WDHD1: variants seen among roughly 807,000 people sequenced by gnomAD.
WDHD1 encodes WD repeat and HMG-box DNA-binding protein 1.
In WDHD1, 111 loss-of-function variants were observed where a neutral mutation model predicts 135.4. The observed-to-expected ratio is 0.82, with a 90% confidence interval of 0.70 to 0.96. The LOEUF (loss-of-function observed/expected upper bound fraction) is 0.96, where lower values mean the gene tolerates loss of function less well. Ranked by LOEUF, WDHD1 falls within the 40% of genes least tolerant of loss-of-function variation. WDHD1 has a pLI of 0.00. For synonymous variants in WDHD1, 434 were observed against 439.0 expected (o/e 0.99, Z 0.14); for missense variants, 1,351 against 1,336.3 (o/e 1.01, Z -0.17).
chr14:54,950,801 C>T (rs1276237449), intron 24 of WDHD1, among the ~76,000 whole-genome samples: 2 of 152,210 alleles, frequency 1.3e-5, no homozygotes, highest in Non-Finnish European at 2.9e-5. Flanking sequence ...AACTGTCTCT[C>T]AGACCACAGT....
intron 16 of WDHD1, among the ~76,000 whole-genome samples, chr14:54,970,897 G>C (rs1258232718): frequency 6.6e-6 from 1 of 152,110 alleles, no homozygotes; most frequent in Non-Finnish European, 1.5e-5. Flanking sequence ...CAGAAACACA[G>C]ACCAGTGGAA....
intron 11 of WDHD1, among the ~76,000 whole-genome samples, chr14:54,992,902 G>C (rs2041814541): frequency 6.6e-6 from 1 of 151,968 alleles, no homozygotes; most frequent in South Asian, 2.1e-4. Context: ...GACAGAGCAA[G>C]ATGCTATCTC....
intron 23 of WDHD1, among the ~76,000 whole-genome samples, chr14:54,956,242 T>C (rs570392742): frequency 6.6e-6 from 1 of 152,078 alleles, no homozygotes; most frequent in Non-Finnish European, 1.5e-5. Context: ...CGAATATACA[T>C]CAGAACTATC....
chr14:54,944,145 A>G (rs940406457), intron 25 of WDHD1, among the ~76,000 whole-genome samples, 187 bp downstream of exon 25: 3 of 151,856 alleles, frequency 2.0e-5, no homozygotes, highest in Non-Finnish European at 4.4e-5. Context: ...TATTATTATT[A>G]GAGACGATGT....
intron 10 of WDHD1, 134 bp from the exon 11 acceptor site, chr14:54,995,947 T>C: frequency 3.3e-6 from 2 of 612,432 alleles, no homozygotes; most frequent in Non-Finnish European, 5.4e-6. Context: ...TAAGAATAAT[T>C]AGTAAATGTA....
At chr14:55,026,930 G>T in intron 1 of WDHD1, 98 bp downstream of exon 1, 1 of 809,316 alleles carries the variant, frequency 1.2e-6, no homozygotes, top group Non-Finnish European at 2.1e-6. Flanking sequence ...CCACCCGAGT[G>T]ACACCAGCGG....
intron 11 of WDHD1, among the ~76,000 whole-genome samples, chr14:54,992,879 C>T (rs2041814303): frequency 6.6e-6 from 1 of 152,026 alleles, no homozygotes; most frequent in African/African-American, 2.4e-5. Flanking sequence ...TACCACTGCA[C>T]TCCAGCCTAG....
intron 16 of WDHD1, among the ~76,000 whole-genome samples, chr14:54,970,706 A>C (rs868861711): frequency 1.6e-4 from 24 of 152,100 alleles, no homozygotes; most frequent in African/African-American, 5.8e-4. Context: ...TTCCTATCAA[A>C]TTACCAATGT....
chr14:55,010,754 A>C (rs1028949335), intron 3 of WDHD1, among the ~76,000 whole-genome samples: 1 of 152,236 alleles, frequency 6.6e-6, no homozygotes, highest in South Asian at 2.1e-4. Flanking sequence ...TAAGTGTTAT[A>C]AAAAGGAAGG....
At chr14:54,984,467 C>G (rs2041666320) in intron 15 of WDHD1, among the ~76,000 whole-genome samples, 2 of 152,150 alleles carry the variant, frequency 1.3e-5, no homozygotes, top group Admixed American at 1.3e-4. Context: ...TGCACTCCAG[C>G]CTGGACAACA....
At chr14:55,008,539 G>T (rs2042111286) in intron 5 of WDHD1, 69 bp downstream of exon 5, 2 of 1,485,612 alleles carry the variant, frequency 1.3e-6, no homozygotes, top group Non-Finnish European at 1.8e-6. Flanking sequence ...ATTTTTTAGA[G>T]AGTTAGTAGG....
At position 54,989,215 on chromosome 14, in the gene WDHD1, A is replaced by C. The variant is rs1229242295; in HGVS notation, c.1342-3T>G. 6.2e-7 allele frequency: 1 copy of C among 1,607,936 alleles called. No individual in the cohort carries two copies. The highest frequency in any genetic ancestry group is 8.5e-7 in the Non-Finnish European group (1 of 1,177,232). The stretch of plus-strand genomic sequence containing the variant: ...ATAATTCCAATAGAGTTCCACACCT[A>C]CAAACAGGTAAGATTAAATATAAGT... On this transcript the variant is annotated splice_polypyrimidine_tract_variant and splice_region_variant and intron_variant, in intron 12 of 25. Coordinates refer to ENST00000360586, the MANE Select transcript of WDHD1 (RefSeq NM_007086.4).
At chr14:54,981,243 TTAAAA>T (rs1324481260) in intron 16 of WDHD1, among the ~76,000 whole-genome samples, 1 of 152,226 alleles carries the variant, frequency 6.6e-6, no homozygotes, top group African/African-American at 2.4e-5. Flanking sequence ...TGTTATTTTA[TTAAAA>T]TAAAAGACAG....
intron 24 of WDHD1, among the ~76,000 whole-genome samples, chr14:54,953,155 C>A (rs1316252982): frequency 5.3e-5 from 8 of 152,064 alleles, no homozygotes; most frequent in Non-Finnish European, 1.0e-4. Context: ...AGCTTCTGCA[C>A]AGCAAAAGAA....
rs2040831997 is a variant in WDHD1, at chr14:54,941,185, G to A, written c.*305C>T. The A allele has an allele frequency of 4.6e-6, 1 of 217,314 alleles. No individual in the cohort carries two copies. Among genetic ancestry groups the A allele is most frequent in the Non-Finnish European group, 9.0e-6 (1 of 110,700 alleles). 13.5% of individuals were successfully genotyped at this position (217,314 alleles called of 1,614,324 possible). On this transcript the variant is annotated 3_prime_UTR_variant, in exon 26 of 26. Transcript: ENST00000360586. ...AATGCACAAAGGTTTTAATACCTTG[G>A]CTTTAATGATTTTTCAAGGTTAAGA...
chr14:55,015,861 G>A (rs1296982824), intron 2 of WDHD1, among the ~76,000 whole-genome samples: 3 of 152,214 alleles, frequency 2.0e-5, no homozygotes, highest in Admixed American at 2.0e-4. Flanking sequence ...ACCACACCCA[G>A]CTAATCTTTG....
Position 54,971,461 on chromosome 14 carries a change from T to C in WDHD1, c.2064-4067A>G, listed in dbSNP as rs115239906. Among the ~76,000 whole-genome samples, 1,214 of 152,194 alleles carry C rather than the reference T, an allele frequency of 8.0e-3. 16 individuals are homozygous for C. The highest frequency in any genetic ancestry group is 0.028 in the African/African-American group (1,162 of 41,538). ...GTGTGGTGGCATGTGCCTGTAGTCT[T>C]GTGCAATCCCATTTACAATAGCCAT... On this transcript the variant is annotated intron_variant, in intron 16 of 25. Coordinates refer to ENST00000360586, the MANE Select transcript of WDHD1 (RefSeq NM_007086.4).
In WDHD1 at chr14:54,966,480, G is replaced by A. The variant is rs1283849954; in HGVS notation, c.2305C>T (p.Leu769Phe). The A allele has an allele frequency of 1.9e-6, 3 of 1,597,334 alleles. No homozygotes were observed. The highest frequency in any genetic ancestry group is 2.3e-5 in the South Asian group (2 of 87,956). ...AGTATATTTATTTTACTCACCGCAA[G>A]CATTTTCATTAAAAGTTCCTGTTGC... The part of the protein sequence containing the change: ...KEQQELLMKM[L>F]ALSCKLEREF... Residue 769 changes from leucine (L) to phenylalanine (F), a missense_variant, in exon 18 of 26, where the codon CTT (leucine) becomes TTT (phenylalanine). Transcript: ENST00000360586.
At chr14:54,988,101 T>G (rs2041722586) in intron 13 of WDHD1, among the ~76,000 whole-genome samples, 1 of 152,182 alleles carries the variant, frequency 6.6e-6, no homozygotes, top group Non-Finnish European at 1.5e-5. Context: ...TGCTTTCCCA[T>G]CATAATTTTT....
Sources: allele counts gnomAD v4.1 joint callset (sites outside exome capture counted in the v4.1 genomes callset), GRCh38; gene constraint gnomAD v4.1.1; transcripts MANE v1.5; gene names NCBI Gene and HGNC (gene_info 2026-07-23, HGNC 2026-07-21).